Variants in ACOXL observed in about 807,000 individuals in gnomAD.
The protein encoded by ACOXL is acyl-coenzyme A oxidase-like protein.
A neutral mutation model predicts 71.9 loss-of-function variants in ACOXL; 70 were observed. That is an observed-to-expected ratio of 0.97 (90% CI 0.80 to 1.19). The LOEUF (loss-of-function observed/expected upper bound fraction) is 1.19. ACOXL is among the 50% of genes most tolerant of loss of function. The pLI, the probability that ACOXL is intolerant of heterozygous loss-of-function variation, is 0.00. For missense variants in ACOXL, 703 were observed against 736.3 expected (o/e 0.95, Z 0.52); for synonymous variants, 253 against 281.6 (o/e 0.90, Z 1.02).
chr2:110,860,865 G>A (rs886192648), intron 10 of ACOXL, among the ~76,000 whole-genome samples: 1 of 152,200 alleles, frequency 6.6e-6, no homozygotes, highest in Admixed American at 6.5e-5. Flanking sequence ...GTTTAACACG[G>A]CCCCCTGTTA....
chr2:111,049,081 G>A (rs2066157865), intron 15 of ACOXL, 137 bp from the exon 16 acceptor site: 1 of 700,424 alleles, frequency 1.4e-6, no homozygotes, highest in East Asian at 2.7e-5. Flanking sequence ...GGACAGTTGG[G>A]GAGCTCTGCC....
chr2:110,787,547 A>AAAAAAG (rs1684140542), intron 3 of ACOXL, among the ~76,000 whole-genome samples: 2 of 151,766 alleles, frequency 1.3e-5, no homozygotes, highest in East Asian at 1.9e-4. Flanking sequence ...AAAAAAAAAA[A>AAAAAAG]AAAAAGAAAA....
At chr2:111,008,175 C>T (rs2063966871) in intron 14 of ACOXL, among the ~76,000 whole-genome samples, 1 of 152,164 alleles carries the variant, frequency 6.6e-6, no homozygotes, top group African/African-American at 2.4e-5. Flanking sequence ...TTACTTATAA[C>T]AAGTTAGGTT....
intron 1 of ACOXL, among the ~76,000 whole-genome samples, chr2:110,733,574 G>C (rs1676464842): frequency 6.6e-6 from 1 of 152,152 alleles, no homozygotes. Context: ...GTATGTGCCC[G>C]TGGAGGATTA....
At chr2:110,981,075 A>G (rs2062687890) in intron 12 of ACOXL, among the ~76,000 whole-genome samples, 1 of 151,926 alleles carries the variant, frequency 6.6e-6, no homozygotes, top group Non-Finnish European at 1.5e-5. Context: ...GAAAGCATGG[A>G]CTCTGGGCTG....
At chr2:110,896,099 G>T (rs2058998576) in intron 10 of ACOXL, among the ~76,000 whole-genome samples, 1 of 152,022 alleles carries the variant, frequency 6.6e-6, no homozygotes, top group Admixed American at 6.6e-5. Context: ...TATACACAGG[G>T]GAAAGAAACG....
At chr2:110,971,809 A>C (rs2062202069) in intron 12 of ACOXL, among the ~76,000 whole-genome samples, 1 of 152,210 alleles carries the variant, frequency 6.6e-6, no homozygotes, top group African/African-American at 2.4e-5. Context: ...ATGTCGTATC[A>C]AAAAATCTTC....
chr2:111,093,386 G>A (rs917299287), intron 17 of ACOXL: 6 of 1,501,474 alleles, frequency 4.0e-6, no homozygotes, highest in East Asian at 2.4e-5. Flanking sequence ...GAAAAAGAAG[G>A]TGAGGCCAGT....
chr2:110,923,754 T>A (rs1453635750), intron 11 of ACOXL, among the ~76,000 whole-genome samples: 1 of 151,952 alleles, frequency 6.6e-6, no homozygotes, highest in African/African-American at 2.4e-5. Context: ...GCCAACATGG[T>A]GAAACCCCAT....
chr2:110,895,034 A>T (rs903646603), intron 10 of ACOXL, among the ~76,000 whole-genome samples: 4 of 152,222 alleles, frequency 2.6e-5, no homozygotes, highest in Admixed American at 2.6e-4. Flanking sequence ...AGAATCAGGT[A>T]TATCTCAAAC....
chr2:110,850,100 T>G (rs886435132), intron 10 of ACOXL, among the ~76,000 whole-genome samples: 2 of 152,194 alleles, frequency 1.3e-5, no homozygotes, highest in East Asian at 3.8e-4. Flanking sequence ...CCTTGTAGCA[T>G]GTACAAGCAA....
intron 9 of ACOXL, among the ~76,000 whole-genome samples, chr2:110,817,440 A>G (rs1252010240): frequency 2.0e-5 from 3 of 152,232 alleles, no homozygotes; most frequent in Non-Finnish European, 2.9e-5. Context: ...CTTCTTGCGA[A>G]AGACCCTTCA....
intron 10 of ACOXL, among the ~76,000 whole-genome samples, chr2:110,861,129 A>T (rs903774044): frequency 6.6e-6 from 1 of 152,160 alleles, no homozygotes; most frequent in African/African-American, 2.4e-5. Context: ...GTGAGACCCT[A>T]TCTCAACAAC....
At chr2:110,792,628 A>G (rs1684785694) in intron 3 of ACOXL, among the ~76,000 whole-genome samples, 1 of 152,158 alleles carries the variant, frequency 6.6e-6, no homozygotes. Context: ...CATCTCTACT[A>G]AAAATAAAAA....
chr2:111,110,977 G>T (rs1256448271), intron 17 of ACOXL, among the ~76,000 whole-genome samples: 1 of 152,172 alleles, frequency 6.6e-6, no homozygotes, highest in Non-Finnish European at 1.5e-5. Flanking sequence ...TTGGCAGTTT[G>T]TGGGGATTTT....
chr2:110,901,955 A>C (rs1445340790), intron 10 of ACOXL, among the ~76,000 whole-genome samples: 1 of 151,984 alleles, frequency 6.6e-6, no homozygotes, highest in Non-Finnish European at 1.5e-5. Flanking sequence ...TGAACCCGGG[A>C]GGCAGAGGTT....
intron 17 of ACOXL, among the ~76,000 whole-genome samples, chr2:111,105,062 T>C (rs768136325): frequency 6.6e-6 from 1 of 152,152 alleles, no homozygotes; most frequent in African/African-American, 2.4e-5. Flanking sequence ...TGTACCAATG[T>C]CCAATTGCTC....
intron 10 of ACOXL, among the ~76,000 whole-genome samples, chr2:110,882,465 A>C (rs943547980): frequency 6.6e-6 from 1 of 152,058 alleles, no homozygotes; most frequent in Non-Finnish European, 1.5e-5. Flanking sequence ...GAAGTTTTTA[A>C]TTTTCATAAA....
intron 10 of ACOXL, among the ~76,000 whole-genome samples, chr2:110,855,367 G>T (rs933197585): frequency 6.6e-6 from 1 of 152,184 alleles, no homozygotes; most frequent in African/African-American, 2.4e-5. Flanking sequence ...TGCTCAGAGA[G>T]GTTGAGGAGT....
Sources: gnomAD v4.1 joint callset for allele counts (sites outside exome capture counted in the v4.1 genomes callset) on GRCh38, gnomAD v4.1.1 for gene constraint, MANE v1.5 for transcripts, NCBI Gene and HGNC (gene_info 2026-07-23, HGNC 2026-07-21) for gene names.